Variants in ELOVL2 observed in about 807,000 individuals in gnomAD.
ELOVL2 encodes the protein very long chain fatty acid elongase 2.
A neutral mutation model predicts 37.7 loss-of-function variants in ELOVL2; 38 were observed. That is an observed-to-expected ratio of 1.01 (90% confidence interval 0.78 to 1.32). ELOVL2 has a LOEUF of 1.32. Among genes scored for constraint, ELOVL2 ranks in the 40% most tolerant of loss-of-function variants. The pLI is 0.00. For missense variants in ELOVL2, 352 were observed against 363.6 expected, an observed-to-expected ratio of 0.97 and a Z score of 0.26; for synonymous variants, 115 against 122.3, an observed-to-expected ratio of 0.94 and a Z score of 0.40.
chr6:11,033,532 TA>T (rs1423661050), intron 1 of ELOVL2, among the ~76,000 whole-genome samples: 149 of 152,350 alleles, frequency 9.8e-4, no homozygotes, highest in African/African-American at 3.4e-3. Flanking sequence ...TTAATCTGAT[TA>T]TGTAGAGCTC....
chr6:11,011,162 A>C, intron 1 of ELOVL2, among the ~76,000 whole-genome samples: 1 of 152,152 alleles, frequency 6.6e-6, no homozygotes, highest in East Asian at 1.9e-4. Context: ...CAGGAGATCG[A>C]GACCATCCTG....
chr6:10,993,609 C>T (rs1169148239), intron 5 of ELOVL2, among the ~76,000 whole-genome samples: 4 of 152,192 alleles, frequency 2.6e-5, no homozygotes, highest in Non-Finnish European at 4.4e-5. Context: ...TGTCTCTAGA[C>T]ATGGGTCATG....
At chr6:11,006,155 C>T (rs1350384090) in intron 2 of ELOVL2, among the ~76,000 whole-genome samples, 1 of 152,178 alleles carries the variant, frequency 6.6e-6, no homozygotes, top group Admixed American at 6.5e-5. Flanking sequence ...TCAGCTGGTT[C>T]AGAGAAAGCA....
Position 11,044,264 on chromosome 6 carries a change from G to T in ELOVL2, c.-34C>A. The T allele has an allele frequency of 7.6e-7, 1 of 1,323,742 alleles. No homozygotes were observed. The highest frequency in any genetic ancestry group is 2.1e-5 in the South Asian group (1 of 47,524). 82.0% of individuals were successfully genotyped at this position (1,323,742 alleles called of 1,614,324 possible). A position where few individuals can be genotyped will look rare whatever the true frequency, so the allele number is the denominator to read the frequency against. Reference sequence around the variant, plus strand: ...GCGGCTGTGGCGCGGCGACCCGGGCGGGCGGCGATGCGCTGTCCAGGGTAG... The same window carrying T: ...GCGGCTGTGGCGCGGCGACCCGGGCTGGCGGCGATGCGCTGTCCAGGGTAG... On this transcript the variant is annotated 5_prime_UTR_variant, in exon 1 of 8. Transcript: ENST00000354666. The surrounding 1 kb of genome is among the most constrained non-coding windows in gnomAD (Gnocchi z 5.6).
In ELOVL2 at chr6:10,983,603, A is replaced by G; in HGVS notation, c.*178T>C. On this transcript the variant is annotated 3_prime_UTR_variant, in exon 8 of 8. Coordinates refer to ENST00000354666, the MANE Select transcript of ELOVL2 (RefSeq NM_017770.4). ...GGTGAGCATCACCTCAATGCTGATC[A>G]AAGCATTCAGTTAACAGATTAACCT... 1.5e-6 allele frequency: 1 copy of G among 674,932 alleles called. No homozygotes were observed. Among genetic ancestry groups the G allele is most frequent in the Non-Finnish European group, 2.3e-6 (1 of 432,138 alleles). 41.8% of individuals were successfully genotyped at this position (674,932 alleles called of 1,614,324 possible). A position where few individuals can be genotyped will look rare whatever the true frequency, so the allele number is the denominator to read the frequency against.
intron 1 of ELOVL2, among the ~76,000 whole-genome samples, chr6:11,011,280 G>A (rs1782576493): frequency 6.6e-6 from 1 of 151,836 alleles, no homozygotes; most frequent in African/African-American, 2.4e-5. Flanking sequence ...GCAGAAGAAT[G>A]GCGTGAACCC....
At position 11,011,091 on chromosome 6, in the gene ELOVL2, G is replaced by A. The variant is rs147656783; in HGVS notation, c.4-282C>T. 4.3e-3 allele frequency among the ~76,000 whole-genome samples: 647 copies of A among 152,224 alleles called. 4 individuals carry two copies. Among genetic ancestry groups the A allele is most frequent in the Non-Finnish European group, 4.2e-3 (288 of 68,010 alleles). ...TTAAACATTGAAGGGTTGGCCAGGC[G>A]CGGTGTCTCACACCTGTAATCGCAG... On this transcript the variant is annotated intron_variant, in intron 1 of 7. Transcript: ENST00000354666.
At chr6:10,989,962 A>C in intron 6 of ELOVL2, 125 bp from the exon 7 acceptor site, 1 of 1,070,274 alleles carries the variant, frequency 9.3e-7, no homozygotes, top group Non-Finnish European at 1.3e-6. Context: ...GAACAAAACA[A>C]AGCTGCTGAA....
chr6:11,000,302 C>G, intron 3 of ELOVL2, 138 bp from the exon 4 acceptor site: 1 of 761,408 alleles, frequency 1.3e-6, no homozygotes, highest in Admixed American at 2.1e-5. Flanking sequence ...TGTCTCAATC[C>G]TATCCTCAAA....
chr6:11,007,220 T>C (rs936643692), intron 2 of ELOVL2, among the ~76,000 whole-genome samples: 2 of 152,250 alleles, frequency 1.3e-5, no homozygotes, highest in Non-Finnish European at 2.9e-5. Context: ...TTAGACTGAA[T>C]TGTGTCCCCC....
intron 6 of ELOVL2, 66 bp downstream of exon 6, chr6:10,990,250 TAA>T: frequency 6.4e-7 from 1 of 1,570,404 alleles, no homozygotes; most frequent in Non-Finnish European, 8.6e-7. Flanking sequence ...CTCTGACTTC[TAA>T]GATTTCTATT....
At chr6:10,991,653 G>A (rs746662449) in intron 5 of ELOVL2, among the ~76,000 whole-genome samples, 5 of 152,142 alleles carry the variant, frequency 3.3e-5, no homozygotes, top group Non-Finnish European at 7.3e-5. Context: ...AGGTACAATA[G>A]CATGCATAGA....
intron 1 of ELOVL2, among the ~76,000 whole-genome samples, chr6:11,039,205 A>G (rs1276202080): frequency 6.6e-6 from 1 of 152,254 alleles, no homozygotes; most frequent in Non-Finnish European, 1.5e-5. Flanking sequence ...GTGAGTAAAC[A>G]GTGTCTCAAA....
intron 4 of ELOVL2, among the ~76,000 whole-genome samples, chr6:10,999,461 C>A (rs911302454): frequency 6.6e-6 from 1 of 151,848 alleles, no homozygotes; most frequent in African/African-American, 2.4e-5. Flanking sequence ...CCACAACCTC[C>A]GCCTCCCGGG....
At chr6:11,017,065 T>A (rs896787636) in intron 1 of ELOVL2, among the ~76,000 whole-genome samples, 6 of 152,184 alleles carry the variant, frequency 3.9e-5, no homozygotes, top group African/African-American at 1.4e-4. Flanking sequence ...TGTTATTATG[T>A]ATCTTAGTAA....
intron 3 of ELOVL2, among the ~76,000 whole-genome samples, chr6:11,003,499 G>A (rs1421933670): frequency 6.6e-6 from 1 of 152,106 alleles, no homozygotes; most frequent in Non-Finnish European, 1.5e-5. Flanking sequence ...TCTTTTTTAT[G>A]GCTGCATAGT....
At chr6:11,006,649 TACAAGGCAAGTGCCTTCTGAAGCTCTG>T (rs1327779261) in intron 2 of ELOVL2, among the ~76,000 whole-genome samples, 1 of 152,234 alleles carries the variant, frequency 6.6e-6, no homozygotes, top group Non-Finnish European at 1.5e-5. Context: ...GTACCATTTC[TACAAGGCAAGTGCCTTCTGAAGCTCTG>T]ACTGTCCCAT....
chr6:11,017,579 T>C (rs1209883480), intron 1 of ELOVL2, among the ~76,000 whole-genome samples: 2 of 152,234 alleles, frequency 1.3e-5, no homozygotes, highest in African/African-American at 2.4e-5. Flanking sequence ...AGTTTGGTTA[T>C]GCTCCACTTC....
chr6:11,040,549 C>T (rs186398708), intron 1 of ELOVL2, among the ~76,000 whole-genome samples: 137 of 152,232 alleles, frequency 9.0e-4, no homozygotes, highest in African/African-American at 3.0e-3. Flanking sequence ...TCACTTGTCT[C>T]TGTACTTTTT....
Sources: allele counts gnomAD v4.1 joint callset (sites outside exome capture counted in the v4.1 genomes callset), GRCh38; gene constraint gnomAD v4.1.1; non-coding constraint Gnocchi (gnomAD v3.1); transcripts MANE v1.5; gene names NCBI Gene and HGNC (gene_info 2026-07-23, HGNC 2026-07-21).